Variants in ST3GAL1 observed in about 807,000 individuals in gnomAD.
ST3GAL1 encodes ST3 beta-galactoside alpha-2,3-sialyltransferase 1.
A neutral mutation model predicts 34.1 loss-of-function variants in ST3GAL1; 16 were observed. The observed-to-expected ratio is 0.47, with a 90% CI of 0.32 to 0.71. The LOEUF is 0.71. ST3GAL1 is among the 30% of genes least tolerant of loss of function. The pLI is 0.04. For synonymous variants in ST3GAL1, 191 were observed against 184.7 expected (o/e 1.03, Z -0.28); for missense variants, 353 against 447.4 (o/e 0.79, Z 1.90).
chr8:133,532,985 G>C (rs1453481472), intron 2 of ST3GAL1, among the ~76,000 whole-genome samples: 1 of 152,108 alleles, frequency 6.6e-6, no homozygotes, highest in African/African-American at 2.4e-5. Flanking sequence ...ATTAAGTGCC[G>C]GGCTGGAGCT....
rs550505881 is a variant in ST3GAL1 at position 133,550,163 on chromosome 8, G to A, written c.-581-4237C>T. 8.5e-5 allele frequency among the ~76,000 whole-genome samples: 13 copies of A among 152,264 alleles called. No individual in the cohort carries two copies. In the South Asian group the frequency reaches 2.3e-3, roughly 27 times the overall value. ...CTCCTTAGACTTTCCTTGCCTTTTG[G>A]TTTTAACAGGAGCCCTGGAAATCTT... On this transcript the variant is annotated intron_variant, in intron 1 of 9. Transcript: ENST00000522652.
chr8:133,483,310 C>G (rs957092299), intron 3 of ST3GAL1, among the ~76,000 whole-genome samples: 2 of 152,166 alleles, frequency 1.3e-5, no homozygotes, highest in Non-Finnish European at 2.9e-5. Context: ...CCACTGCACT[C>G]CCGCCTGGCC....
rs1424895459 is a variant in ST3GAL1 at position 133,475,615 on chromosome 8, C to T, written c.306+104G>A. The T allele has an allele frequency of 1.2e-5, 16 of 1,343,818 alleles. No homozygotes were observed. In the South Asian group the frequency reaches 2.1e-4, roughly 18 times the overall value. The allele number at this position is 1,343,818 out of a possible 1,614,324, so 83.2% of individuals were successfully genotyped here. On this transcript the variant is annotated intron_variant, in intron 5 of 9. Transcript: ENST00000522652. Reference sequence around the variant, plus strand: ...CTCAGCCCAGACTCCCACTTTCAGCCCAGGCCTCCCACTCTTATCCAGATC... The same window carrying T: ...CTCAGCCCAGACTCCCACTTTCAGCTCAGGCCTCCCACTCTTATCCAGATC...
At chr8:133,541,397 C>T (rs557451695) in intron 2 of ST3GAL1, among the ~76,000 whole-genome samples, 8 of 152,114 alleles carry the variant, frequency 5.3e-5, no homozygotes, top group Middle Eastern at 6.8e-3. Flanking sequence ...TCTGCAGAGA[C>T]GCCTGGTTCT....
chr8:133,548,247 C>T (rs1469238643), intron 1 of ST3GAL1, among the ~76,000 whole-genome samples: 2 of 152,202 alleles, frequency 1.3e-5, no homozygotes, highest in African/African-American at 4.8e-5. Flanking sequence ...CCTCTCTTGG[C>T]AGCAGCCAGG....
intron 2 of ST3GAL1, among the ~76,000 whole-genome samples, chr8:133,520,141 G>C (rs1457703904): frequency 1.3e-5 from 2 of 152,188 alleles, no homozygotes; most frequent in Non-Finnish European, 1.5e-5. Flanking sequence ...TAAGTCTACA[G>C]CAGGGAACAA....
intron 2 of ST3GAL1, among the ~76,000 whole-genome samples, chr8:133,538,335 C>T (rs535145710): frequency 2.6e-5 from 4 of 152,066 alleles, no homozygotes; most frequent in African/African-American, 7.2e-5. Flanking sequence ...GCCAACATGG[C>T]GAAACCCCAT....
rs1819567679 is a variant in ST3GAL1, at chr8:133,571,500, A to T, written c.-582+193T>A. ...AGGGGTCTCCCTTCGAATGTCTTCC[A>T]CTAGAATCCCGGGGTCTTCAGTCCC... On this transcript the variant is annotated intron_variant, in intron 1 of 9. Transcript: ENST00000522652. The surrounding 1 kb of genome is among the most constrained non-coding windows in gnomAD (Gnocchi z 6.7). Among the ~76,000 whole-genome samples the T allele has an allele frequency of 6.6e-6, 1 of 151,974 alleles. No homozygotes were observed. The highest frequency in any genetic ancestry group is 2.4e-5 in the African/African-American group (1 of 41,380).
In ST3GAL1 at chr8:133,461,959, G is replaced by C. The variant is rs769640109; in HGVS notation, c.765C>G (p.Val255=). The C allele has an allele frequency of 1.2e-6, 2 of 1,614,114 alleles. No homozygotes were observed. The highest frequency in any genetic ancestry group is 1.7e-6 in the Non-Finnish European group (2 of 1,180,052). ...CGTGCCCTTGCAGCCAGTTGTCAAAGACATACTTGATGAAGGCTGGGTGGT... is the reference window on the plus strand; with the variant it reads ...CGTGCCCTTGCAGCCAGTTGTCAAACACATACTTGATGAAGGCTGGGTGGT... ...LIYHPAFIKY[V]FDNWLQGHGR... Residue 255 remains valine, a synonymous_variant, in exon 9 of 10, where the codon GTC becomes GTG. Transcript: ENST00000522652. This position sits in a 1 kb window ranked among gnomAD's most constrained non-coding sequence, Gnocchi z 4.7.
intron 2 of ST3GAL1, among the ~76,000 whole-genome samples, chr8:133,512,800 T>C (rs1274442969): frequency 6.6e-6 from 1 of 152,240 alleles, no homozygotes; most frequent in Non-Finnish European, 1.5e-5. Context: ...TAGTTTATCA[T>C]TCAAAGTTAT....
intron 2 of ST3GAL1, among the ~76,000 whole-genome samples, chr8:133,538,080 C>G (rs1818358012): frequency 6.6e-6 from 1 of 152,220 alleles, no homozygotes. Context: ...CGAAAGATCT[C>G]TCTAGTGAAA....
intron 3 of ST3GAL1, among the ~76,000 whole-genome samples, chr8:133,485,129 G>A (rs1046012940): frequency 6.6e-6 from 1 of 151,928 alleles, no homozygotes; most frequent in African/African-American, 2.4e-5. Context: ...ACTGTCTACA[G>A]GAGTGAGAGT....
Position 133,540,836 on chromosome 8 carries a change from GAGAGACATATATATAGAGACATATATAT to G in ST3GAL1, c.-429+4910_-429+4937del, listed in dbSNP as rs760427810. On this transcript the variant is annotated intron_variant, in intron 2 of 9. Transcript: ENST00000522652. ...ACATATATATATAGACATATATATA[GAGAGACATATATATAGAGACATATATAT>G]AGAGACATATATATAGAGACATATA... 1.6e-3 allele frequency among the ~76,000 whole-genome samples: 76 copies of G among 48,364 alleles called. 3 individuals carry two copies. Among genetic ancestry groups the G allele is most frequent in the South Asian group, 0.012 (14 of 1,206 alleles). 31.7% of individuals were successfully genotyped at this position (48,364 alleles called of 152,430 possible).
chr8:133,554,664 C>T (rs948018904), intron 1 of ST3GAL1, among the ~76,000 whole-genome samples: 1 of 152,070 alleles, frequency 6.6e-6, no homozygotes, highest in Non-Finnish European at 1.5e-5. Context: ...TAACTGAACA[C>T]CTGCTTTCCT....
intron 5 of ST3GAL1, among the ~76,000 whole-genome samples, chr8:133,471,468 C>G (rs766678761): frequency 6.6e-6 from 1 of 152,326 alleles, no homozygotes; most frequent in Non-Finnish European, 1.5e-5. Context: ...TGCTGATAAC[C>G]TGATAGGCAG....
chr8:133,485,901 C>T (rs187197398), intron 3 of ST3GAL1, among the ~76,000 whole-genome samples: 1 of 152,274 alleles, frequency 6.6e-6, no homozygotes, highest in Admixed American at 6.5e-5. Flanking sequence ...AGTTCCTCAT[C>T]CATAAAGCGG....
chr8:133,508,499 C>A lies in ST3GAL1; in HGVS notation c.-428-9310G>T, dbSNP rs555541783. On this transcript the variant is annotated intron_variant, in intron 2 of 9. Transcript: ENST00000522652. The surrounding 1 kb of genome is among the most constrained non-coding windows in gnomAD (Gnocchi z 4.1). The stretch of plus-strand genomic sequence containing the variant: ...CCTGGAACACTTCCTCTGCAATCTA[C>A]GTGCACGGAGTCCCAGACTCAGGTT... Among the ~76,000 whole-genome samples, 1 of 152,298 alleles carries A rather than the reference C, an allele frequency of 6.6e-6. No individual in the cohort carries two copies. The highest frequency in any genetic ancestry group is 1.9e-4 in the East Asian group (1 of 5,174).
chr8:133,464,668 G>A (rs997884257), intron 7 of ST3GAL1, 110 bp downstream of exon 7: 3 of 1,242,642 alleles, frequency 2.4e-6, no homozygotes, highest in Non-Finnish European at 3.4e-6. Flanking sequence ...GAGGAGGCTG[G>A]GGGAGGGGAG....
chr8:133,547,507 T>C (rs1304222251), intron 1 of ST3GAL1, among the ~76,000 whole-genome samples: 3 of 152,210 alleles, frequency 2.0e-5, no homozygotes, highest in Non-Finnish European at 4.4e-5. Flanking sequence ...TGAGCCACCA[T>C]GCCCAGCTGC....
Sources: gnomAD v4.1 joint callset for allele counts (sites outside exome capture counted in the v4.1 genomes callset) on GRCh38, gnomAD v4.1.1 for gene constraint, Gnocchi (gnomAD v3.1) non-coding constraint, MANE v1.5 for transcripts, NCBI Gene and HGNC (gene_info 2026-07-23, HGNC 2026-07-21) for gene names.